The following PARD3 variants were observed in gnomAD, a reference collection of about 807,000 sequenced individuals.
The protein encoded by PARD3 is par-3 family cell polarity regulator.
PARD3 carries 75 observed loss-of-function variants against 155.4 expected under a neutral mutation model. The observed-to-expected ratio is 0.48, with a 90% confidence interval of 0.40 to 0.58. The LOEUF (loss-of-function observed/expected upper bound fraction) is 0.58. Ranked by LOEUF, PARD3 falls within the 20% of genes least tolerant of loss-of-function variation. The probability of loss-of-function intolerance (pLI) is 0.00; values close to 1 mark genes in which losing one functional copy is unlikely to be tolerated. For synonymous variants in PARD3, 576 were observed against 610.5 expected, an observed-to-expected ratio of 0.94 and a Z score of 0.83; for missense variants, 1,642 against 1,721.7, an observed-to-expected ratio of 0.95 and a Z score of 0.82.
chr10:34,388,083 G>T (rs911746908), intron 7 of PARD3, among the ~76,000 whole-genome samples: 4 of 152,222 alleles, frequency 2.6e-5, no homozygotes, highest in African/African-American at 9.6e-5. Flanking sequence ...AGACCTGATG[G>T]GGGGCTGGGA....
chr10:34,514,318 G>A (rs1240187266), intron 3 of PARD3, among the ~76,000 whole-genome samples: 1 of 152,102 alleles, frequency 6.6e-6, no homozygotes, highest in Non-Finnish European at 1.5e-5. Context: ...TTTCATATCT[G>A]TAAATAGTTA....
intron 1 of PARD3, among the ~76,000 whole-genome samples, chr10:34,699,167 C>T (rs758098439): frequency 6.6e-6 from 1 of 152,178 alleles, no homozygotes; most frequent in Admixed American, 6.5e-5. Flanking sequence ...ACTCAACAGT[C>T]AGCTATGCCA....
chr10:34,637,747 T>C (rs1482267431), intron 2 of PARD3, among the ~76,000 whole-genome samples: 1 of 152,096 alleles, frequency 6.6e-6, no homozygotes, highest in Non-Finnish European at 1.5e-5. Context: ...GGCCGGCAGT[T>C]TGGAAAGCAC....
intron 4 of PARD3, among the ~76,000 whole-genome samples, chr10:34,454,054 T>C (rs1050664787): frequency 6.6e-6 from 1 of 152,250 alleles, no homozygotes; most frequent in Non-Finnish European, 1.5e-5. Context: ...GTGCAGTTAT[T>C]TACAGCAATC....
chr10:34,131,098 T>A (rs1429112284), intron 23 of PARD3, among the ~76,000 whole-genome samples: 1 of 152,180 alleles, frequency 6.6e-6, no homozygotes. Context: ...ACTTTGTACA[T>A]TACAGGCACA....
chr10:34,611,807 C>CTTTTTTT (rs397829689), intron 2 of PARD3, among the ~76,000 whole-genome samples: 4 of 109,226 alleles, frequency 3.7e-5, no homozygotes, highest in Non-Finnish European at 5.3e-5. Context: ...ACATTTCTTT[C>CTTTTTTT]TTTTTTTTTT....
chr10:34,322,381 A>G (rs946794858), intron 19 of PARD3, among the ~76,000 whole-genome samples: 1 of 152,226 alleles, frequency 6.6e-6, no homozygotes, highest in Admixed American at 6.5e-5. Flanking sequence ...GAAGAACTCT[A>G]GAACTCAAGT....
chr10:34,730,910 A>G (rs975809966), intron 1 of PARD3, among the ~76,000 whole-genome samples: 1 of 152,236 alleles, frequency 6.6e-6, no homozygotes, highest in East Asian at 1.9e-4. Context: ...AAGAACCACA[A>G]CTATTCATTT....
At chr10:34,402,054 A>G in intron 5 of PARD3, 137 bp from the exon 6 acceptor site, 1 of 733,572 alleles carries the variant, frequency 1.4e-6, no homozygotes, top group Non-Finnish European at 2.4e-6. Flanking sequence ...GATGACCTTT[A>G]ATGACAGGAT....
intron 22 of PARD3, among the ~76,000 whole-genome samples, chr10:34,146,131 TTTC>T (rs892573418): frequency 3.9e-5 from 6 of 152,222 alleles, no homozygotes; most frequent in Non-Finnish European, 8.8e-5. Context: ...TCTCATTCTG[TTTC>T]TTGTTTTGGA....
At chr10:34,563,934 C>A (rs192381349) in intron 2 of PARD3, among the ~76,000 whole-genome samples, 8 of 152,226 alleles carry the variant, frequency 5.3e-5, no homozygotes, top group Non-Finnish European at 1.0e-4. Flanking sequence ...AAAATTCATA[C>A]CTGTTTTCAA....
intron 22 of PARD3, among the ~76,000 whole-genome samples, chr10:34,204,062 G>A (rs527528282): frequency 1.3e-5 from 2 of 152,192 alleles, no homozygotes; most frequent in Non-Finnish European, 2.9e-5. Flanking sequence ...TAGTAAATGT[G>A]TTGACTAAGC....
At position 34,795,963 on chromosome 10, in the gene PARD3, G is replaced by A. The variant is rs76734687; in HGVS notation, c.120+18913C>T. On this transcript the variant is annotated intron_variant, in intron 1 of 24. Transcript: ENST00000374788. Reference sequence around the variant, plus strand: ...AGTCAACTCTTATACTCACACAGGTGGGATGAATTGACACATAGAGACATT... The same window carrying A: ...AGTCAACTCTTATACTCACACAGGTAGGATGAATTGACACATAGAGACATT... 4.3e-3 allele frequency among the ~76,000 whole-genome samples: 653 copies of A among 152,212 alleles called. 10 individuals carry two copies. The highest frequency in any genetic ancestry group is 0.031 in the East Asian group (161 of 5,192).
intron 3 of PARD3, among the ~76,000 whole-genome samples, chr10:34,511,027 G>A (rs1389948655): frequency 6.6e-6 from 1 of 152,168 alleles, no homozygotes; most frequent in Non-Finnish European, 1.5e-5. Context: ...ATGATTGGAT[G>A]TTACATCTCT....
chr10:34,748,194 G>A (rs1015120142), intron 1 of PARD3, among the ~76,000 whole-genome samples: 3 of 152,236 alleles, frequency 2.0e-5, no homozygotes, highest in Non-Finnish European at 4.4e-5. Flanking sequence ...TCTTGGCCAG[G>A]CGTGGTGGCT....
rs567794663 is a variant in PARD3 at position 34,508,408 on chromosome 10, T to C, written c.403+8571A>G. On this transcript the variant is annotated intron_variant, in intron 3 of 24. Coordinates refer to ENST00000374788, the MANE Select transcript of PARD3 (RefSeq NM_001184785.2). Reference sequence around the variant, plus strand: ...GGCTTACATCATTTTCAAAGGAAACTTCATTCTTCAGTCTAGATCTTCCAG... The same window carrying C: ...GGCTTACATCATTTTCAAAGGAAACCTCATTCTTCAGTCTAGATCTTCCAG... Among the ~76,000 whole-genome samples the C allele has an allele frequency of 8.5e-5, 13 of 152,302 alleles. No individual in the cohort carries two copies. In the South Asian group the frequency reaches 1.4e-3, roughly 17 times the overall value.
chr10:34,731,385 C>CATGG (rs1260098702), intron 1 of PARD3, among the ~76,000 whole-genome samples: 10 of 152,302 alleles, frequency 6.6e-5, no homozygotes, highest in African/African-American at 2.2e-4. Flanking sequence ...AATCCACTGA[C>CATGG]ATGGACAGCT....
intron 3 of PARD3, among the ~76,000 whole-genome samples, chr10:34,515,816 T>G (rs1265807949): frequency 6.6e-6 from 1 of 151,942 alleles, no homozygotes; most frequent in Non-Finnish European, 1.5e-5. Flanking sequence ...TTCTGTATCT[T>G]AATTATATAT....
chr10:34,710,865 C>T (rs899034603), intron 1 of PARD3, among the ~76,000 whole-genome samples: 11 of 152,120 alleles, frequency 7.2e-5, no homozygotes, highest in Non-Finnish European at 1.3e-4. Flanking sequence ...TATGTATCTT[C>T]CCAAATCCAG....
Sources: allele counts gnomAD v4.1 joint callset (sites outside exome capture counted in the v4.1 genomes callset), GRCh38; gene constraint gnomAD v4.1.1; transcripts MANE v1.5; gene names NCBI Gene and HGNC (gene_info 2026-07-23, HGNC 2026-07-21).